The following MSN variants were observed in gnomAD, a reference collection of about 807,000 sequenced individuals.
MSN encodes epididymis luminal protein 70.
Under a neutral mutation model 48.0 loss-of-function variants are expected in MSN, and 2 were observed. The observed-to-expected ratio is 0.04, with a 90% confidence interval of 0.02 to 0.13. MSN has a LOEUF of 0.13. Among genes scored for constraint, MSN ranks in the 10% least tolerant of loss-of-function variants. The probability of loss-of-function intolerance (pLI) is 1.00; values close to 1 mark genes in which losing one functional copy is unlikely to be tolerated. For synonymous variants in MSN, 146 were observed against 166.9 expected, an observed-to-expected ratio of 0.87 and a Z score of 0.97; for missense variants, 267 against 470.1, an observed-to-expected ratio of 0.57 and a Z score of 3.99.
At chrX:65,657,370 C>T (rs932472732) in intron 1 of MSN, among the ~76,000 whole-genome samples, 3 of 110,045 alleles carry the variant, frequency 2.7e-5, no homozygotes, top group Admixed American at 9.6e-5. Flanking sequence ...GGTTCACAGA[C>T]GGGCCATGAG....
chrX:65,603,858 G>A (rs1036838190), intron 1 of MSN, among the ~76,000 whole-genome samples: 1 of 111,922 alleles, frequency 8.9e-6, no homozygotes, highest in Non-Finnish European at 1.9e-5. Flanking sequence ...GGGACAGAAG[G>A]GAACATATTT....
intron 1 of MSN, among the ~76,000 whole-genome samples, chrX:65,701,807 A>T (rs2147485035): frequency 9.0e-6 from 1 of 111,698 alleles, no homozygotes; most frequent in East Asian, 2.8e-4. Context: ...TGTTCCTCTT[A>T]CTACAGAGAC....
At chrX:65,662,148 G>T (rs1318549656) in intron 1 of MSN, among the ~76,000 whole-genome samples, 1 of 112,195 alleles carries the variant, frequency 8.9e-6, no homozygotes, top group East Asian at 2.8e-4. Flanking sequence ...ACAAATAAAT[G>T]AAAAAATATC....
intron 1 of MSN, among the ~76,000 whole-genome samples, chrX:65,641,870 C>A (rs1171125954): frequency 9.2e-6 from 1 of 108,892 alleles, no homozygotes; most frequent in African/African-American, 3.3e-5. Context: ...CGCGGTGGCT[C>A]ATGCCTGTAG....
At chrX:65,614,946 T>C (rs2070355208) in intron 1 of MSN, among the ~76,000 whole-genome samples, 1 of 89,383 alleles carries the variant, frequency 1.1e-5, no homozygotes, top group South Asian at 6.2e-4. Context: ...TGAGTGAGAA[T>C]ATGCGGTGTT....
chrX:65,710,248 T>C lies in MSN; in HGVS notation c.13-6570T>C, dbSNP rs371036690. ...CCACGAAAGGTTTTCTCTGTTCTTC[T>C]ATTATGGCACTTTTCAGGGTCTCCC... On this transcript the variant is annotated intron_variant, in intron 1 of 12. Transcript: ENST00000360270. 2.7e-5 allele frequency among the ~76,000 whole-genome samples: 3 copies of C among 112,703 alleles called. No homozygotes were observed. The East Asian group carries it at 8.3e-4, about 31-fold the overall frequency.
intron 1 of MSN, among the ~76,000 whole-genome samples, chrX:65,613,333 C>T (rs1423754585): frequency 8.7e-6 from 1 of 114,991 alleles, no homozygotes; most frequent in Non-Finnish European, 1.9e-5. Flanking sequence ...CTGCAATAAA[C>T]ATATGTGTGC....
intron 1 of MSN, among the ~76,000 whole-genome samples, chrX:65,600,323 G>A (rs765792609): frequency 7.9e-4 from 88 of 111,399 alleles, no homozygotes; most frequent in South Asian, 2.6e-3. Flanking sequence ...ATGGATGTGC[G>A]TCTCCAGGCG....
At chrX:65,628,055 G>T (rs1569455902) in intron 1 of MSN, among the ~76,000 whole-genome samples, 2 of 112,576 alleles carry the variant, frequency 1.8e-5, no homozygotes, top group African/African-American at 6.5e-5. Flanking sequence ...CTCCACCCTT[G>T]TGGCTTTGCA....
intron 1 of MSN, among the ~76,000 whole-genome samples, chrX:65,661,973 C>T (rs1233442146): frequency 8.9e-6 from 1 of 112,432 alleles, no homozygotes; most frequent in Non-Finnish European, 1.9e-5. Flanking sequence ...GAGATTGTGC[C>T]ATTGCATTAC....
At chrX:65,590,234 T>C (rs750094334) in intron 1 of MSN, among the ~76,000 whole-genome samples, 1 of 111,086 alleles carries the variant, frequency 9.0e-6, no homozygotes, top group South Asian at 3.8e-4. Context: ...GGAGTTGGCT[T>C]ATTGGGGCCT....
chrX:65,696,817 T>C (rs1425538922), intron 1 of MSN, among the ~76,000 whole-genome samples: 1 of 111,360 alleles, frequency 9.0e-6, no homozygotes, highest in Non-Finnish European at 1.9e-5. Flanking sequence ...AGCCAGCTTT[T>C]AGAGAAGTTA....
chrX:65,591,266 A>C (rs1463669930), intron 1 of MSN, among the ~76,000 whole-genome samples: 1 of 111,290 alleles, frequency 9.0e-6, no homozygotes, highest in Non-Finnish European at 1.9e-5. Flanking sequence ...TGTGTATCTC[A>C]GGTCAAAGTG....
At chrX:65,662,881 A>C (rs1265199435), upstream of MSN, among the ~76,000 whole-genome samples, 5 of 112,491 alleles carry the variant, frequency 4.4e-5, no homozygotes, top group Non-Finnish European at 9.4e-5. Context: ...TTTGTAAACT[A>C]TTCAACTGAC....
intron 1 of MSN, among the ~76,000 whole-genome samples, chrX:65,632,284 C>T (rs1261530930): frequency 9.0e-6 from 1 of 111,637 alleles, no homozygotes; most frequent in African/African-American, 3.3e-5. Context: ...TCTTCCTTAC[C>T]CTTTATTTGC....
At chrX:65,684,665 T>C (rs1396389454) in intron 1 of MSN, among the ~76,000 whole-genome samples, 1 of 111,393 alleles carries the variant, frequency 9.0e-6, no homozygotes, top group Non-Finnish European at 1.9e-5. Flanking sequence ...CTCGAACTCC[T>C]GACCTCCAGT....
chrX:65,737,363 T>G (rs1463768211), intron 10 of MSN, 25 bp downstream of exon 10: 1 of 1,189,403 alleles, frequency 8.4e-7, no homozygotes, highest in South Asian at 1.9e-5. Flanking sequence ...TGGGCTGGGA[T>G]TATGGGAACT....
chrX:65,709,963 A>G (rs1450760926), intron 1 of MSN, among the ~76,000 whole-genome samples: 1 of 111,803 alleles, frequency 8.9e-6, no homozygotes, highest in Non-Finnish European at 1.9e-5. Context: ...ACCTTCTAGC[A>G]TAGCCTTCAA....
upstream of MSN, chrX:65,667,552 G>A: frequency 1.3e-6 from 1 of 765,777 alleles, no homozygotes; most frequent in Non-Finnish European, 1.6e-6. Flanking sequence ...GCCAGGCGGG[G>A]CTGGGCGGGG....
Sources: gnomAD v4.1 joint callset for allele counts (sites outside exome capture counted in the v4.1 genomes callset) on GRCh38, gnomAD v4.1.1 for gene constraint, MANE v1.5 for transcripts, NCBI Gene and HGNC (gene_info 2026-07-23, HGNC 2026-07-21) for gene names.